STRBP: variants seen among roughly 807,000 people sequenced by gnomAD.
STRBP encodes the protein spermatid perinuclear RNA-binding protein.
STRBP carries 13 observed loss-of-function variants against 80.1 expected under a neutral mutation model. The ratio of observed to expected loss-of-function variants is 0.16; its 90% CI spans 0.11 to 0.26. The LOEUF (loss-of-function observed/expected upper bound fraction) is 0.26, where lower values mean the gene tolerates loss of function less well. STRBP is among the 10% of genes least tolerant of loss of function. STRBP has a pLI of 1.00. For missense variants in STRBP, 485 were observed against 815.2 expected (o/e 0.59, Z 4.93); for synonymous variants, 284 against 291.2 (o/e 0.98, Z 0.25).
At chr9:123,216,220 C>T (rs2132544827) in intron 2 of STRBP, among the ~76,000 whole-genome samples, 1 of 152,330 alleles carries the variant, frequency 6.6e-6, no homozygotes, top group African/African-American at 2.4e-5. Context: ...CCATATCTCA[C>T]ACTGCACTAG....
At chr9:123,254,456 C>CAAAAA (rs1205708821) in intron 1 of STRBP, among the ~76,000 whole-genome samples, 21 of 65,494 alleles carry the variant, frequency 3.2e-4, no homozygotes, top group African/African-American at 5.6e-4. Flanking sequence ...GACTCCGTCT[C>CAAAAA]AAAAAAAAAA....
chr9:123,194,168 T>C (rs557779101), intron 2 of STRBP, among the ~76,000 whole-genome samples: 8 of 152,266 alleles, frequency 5.3e-5, no homozygotes, highest in Admixed American at 2.6e-4. Flanking sequence ...CACACTTCTC[T>C]TGTCTCTTCA....
intron 11 of STRBP, among the ~76,000 whole-genome samples, chr9:123,148,399 TTC>T (rs1157830920): frequency 6.6e-6 from 1 of 152,208 alleles, no homozygotes; most frequent in East Asian, 1.9e-4. Flanking sequence ...GGCAATAAAT[TTC>T]TGTTGCTTAT....
At chr9:123,188,528 G>A (rs1318729672) in intron 2 of STRBP, among the ~76,000 whole-genome samples, 2 of 152,050 alleles carry the variant, frequency 1.3e-5, no homozygotes, top group Non-Finnish European at 2.9e-5. Flanking sequence ...TGTAGTCCCA[G>A]CTACTCGGGA....
intron 1 of STRBP, among the ~76,000 whole-genome samples, chr9:123,252,503 A>G (rs970719071): frequency 3.3e-5 from 5 of 152,358 alleles, no homozygotes; most frequent in Admixed American, 2.6e-4. Flanking sequence ...AGGTCAAAAC[A>G]GAAAAGCAAT....
chr9:123,224,296 G>C (rs2040166630), intron 2 of STRBP, among the ~76,000 whole-genome samples: 2 of 152,114 alleles, frequency 1.3e-5, no homozygotes, highest in African/African-American at 4.8e-5. Flanking sequence ...GGACACACCT[G>C]TAACAAAAAC....
At chr9:123,130,831 A>G (rs1477493652) in intron 17 of STRBP, among the ~76,000 whole-genome samples, 2 of 152,038 alleles carry the variant, frequency 1.3e-5, no homozygotes, top group Non-Finnish European at 2.9e-5. Context: ...TCTTCTTTCT[A>G]TATATTCAAT....
At chr9:123,261,369 A>G (rs145729084) in intron 1 of STRBP, among the ~76,000 whole-genome samples, 1 of 152,246 alleles carries the variant, frequency 6.6e-6, no homozygotes, top group East Asian at 1.9e-4. Flanking sequence ...TTGATATACA[A>G]CTTCTCAGTG....
At chr9:123,202,551 G>GT (rs1378857309) in intron 2 of STRBP, among the ~76,000 whole-genome samples, 14 of 152,190 alleles carry the variant, frequency 9.2e-5, no homozygotes, top group Non-Finnish European at 1.8e-4. Flanking sequence ...CTTTTGGCTT[G>GT]TAAGGTTTCT....
chr9:123,155,139 G>A (rs2037226381), intron 11 of STRBP, among the ~76,000 whole-genome samples: 1 of 152,218 alleles, frequency 6.6e-6, no homozygotes, highest in South Asian at 2.1e-4. Flanking sequence ...ACGAGTTGAT[G>A]CAGTGGGGCT....
rs1276719056 is a variant in STRBP at position 123,122,469 on chromosome 9, T to A, written c.*3128A>T. The stretch of plus-strand genomic sequence containing the variant: ...AAAAAAAAAAAAAAGAAAAGGCCAA[T>A]ACCAGCAAAATCTCTCAGTGGTTTG... On this transcript the variant is annotated 3_prime_UTR_variant, in exon 19 of 19. Transcript: ENST00000348403. The A allele has an allele frequency of 3.3e-5, 40 of 1,200,602 alleles. No individual in the cohort carries two copies. The Admixed American group carries it at 3.7e-4, about 11-fold the overall frequency. The allele number at this position is 1,200,602 out of a possible 1,614,324, so 74.4% of individuals were successfully genotyped here. A position where few individuals can be genotyped will look rare whatever the true frequency, so the allele number is the denominator to read the frequency against.
chr9:123,140,935 T>C (rs1314155311), intron 13 of STRBP, among the ~76,000 whole-genome samples: 3 of 152,268 alleles, frequency 2.0e-5, no homozygotes, highest in African/African-American at 7.2e-5. Context: ...ATGTTCACTT[T>C]TTGTAAGCCT....
rs943063034 is a variant in STRBP at position 123,161,015 on chromosome 9, T to C, written c.589A>G (p.Asn197Asp). Residue 197 changes from asparagine (N) to aspartate (D), a missense_variant, in exon 7 of 19, where the codon AAC becomes GAC. This residue lies in a region of STRBP where 377 missense variants were observed against 616.1 expected (regional missense o/e 0.61). Coordinates refer to ENST00000348403, the MANE Select transcript of STRBP (RefSeq NM_018387.5). ...PDLLDRQKCL[N>D]ALASLRHAKW... ...GCATGTCGAAGAGACGCCAAGGCGT[T>C]CAGGCATTTCTGCCTGTCCAATAAG... 36 of 1,593,854 alleles carry C rather than the reference T, an allele frequency of 2.3e-5. No individual in the cohort carries two copies. Among genetic ancestry groups the C allele is most frequent in the Non-Finnish European group, 2.9e-5 (34 of 1,174,622 alleles).
At chr9:123,118,738 G>T (rs950991703), downstream of STRBP, among the ~76,000 whole-genome samples, 1 of 152,152 alleles carries the variant, frequency 6.6e-6, no homozygotes, top group Non-Finnish European at 1.5e-5. Context: ...TCTACGTAAC[G>T]CAGTTTTTAT....
chr9:123,251,467 C>G (rs1201686706), intron 1 of STRBP, among the ~76,000 whole-genome samples: 1 of 152,128 alleles, frequency 6.6e-6, no homozygotes, highest in Non-Finnish European at 1.5e-5. Flanking sequence ...CTGTGTGACT[C>G]CAAAGTCCAG....
chr9:123,201,777 G>GT (rs2039333492), intron 2 of STRBP, among the ~76,000 whole-genome samples: 1 of 152,124 alleles, frequency 6.6e-6, no homozygotes, highest in Non-Finnish European at 1.5e-5. Context: ...CTAGCATTTC[G>GT]TTTAAGTCCA....
chr9:123,216,921 C>G (rs541801146), intron 2 of STRBP, among the ~76,000 whole-genome samples: 2 of 152,166 alleles, frequency 1.3e-5, no homozygotes, highest in East Asian at 3.9e-4. Context: ...CAAAGGTACA[C>G]AAGGGAAAAT....
chr9:123,234,602 C>CTGTTT (rs1296196969), intron 2 of STRBP, among the ~76,000 whole-genome samples: 1 of 152,058 alleles, frequency 6.6e-6, no homozygotes, highest in Non-Finnish European at 1.5e-5. Context: ...GTCTTAAATC[C>CTGTTT]TGTTTTGTTT....
chr9:123,120,331 G>A (rs917661982), downstream of STRBP, among the ~76,000 whole-genome samples: 19 of 151,886 alleles, frequency 1.3e-4, no homozygotes, highest in African/African-American at 4.8e-5. Context: ...GGATGATTCA[G>A]AGATAGCCCC....
Sources: gnomAD v4.1 joint callset for allele counts (sites outside exome capture counted in the v4.1 genomes callset) on GRCh38, gnomAD v4.1.1 for gene constraint, gnomAD v4.1.1 regional missense constraint, MANE v1.5 for transcripts, NCBI Gene and HGNC (gene_info 2026-07-23, HGNC 2026-07-21) for gene names.